GYPC: variants seen among roughly 807,000 people sequenced by gnomAD.
The protein encoded by GYPC is glycophorin-C.
GYPC carries 14 observed loss-of-function variants against 12.6 expected under a neutral mutation model. That is an observed-to-expected ratio of 1.11 (90% CI 0.74 to 1.74). GYPC has a LOEUF of 1.74. GYPC is among the 40% of genes most tolerant of loss of function. The pLI is 0.00. For synonymous variants in GYPC, 78 were observed against 62.1 expected, an observed-to-expected ratio of 1.26 and a Z score of -1.20; for missense variants, 225 against 172.1, an observed-to-expected ratio of 1.31 and a Z score of -1.72.
In GYPC at chr2:126,656,309, C is replaced by G. The variant is rs781592312; in HGVS notation, c.46C>G (p.Leu16Val). 1 of 1,585,486 alleles carries G rather than the reference C, an allele frequency of 6.3e-7. No homozygotes were observed. Among genetic ancestry groups the G allele is most frequent in the Non-Finnish European group, 8.6e-7 (1 of 1,167,318 alleles). ...SPNSTAWPLS[L>V]EPDPGMASAS... ...CAACAGCACGGCGTGGCCTCTCAGC[C>G]TCGGTGAGTACCCGCCGTGGGGAAG... Residue 16 changes from leucine (L) to valine (V), a missense_variant, in exon 1 of 4, where the codon CTC (leucine) becomes GTC (valine). Physicochemically the swap from Leu to Val is conservative, Grantham distance 32. Coordinates refer to ENST00000259254, the MANE Select transcript of GYPC (RefSeq NM_002101.5).
intron 1 of GYPC, among the ~76,000 whole-genome samples, chr2:126,660,104 G>C (rs1216949241): frequency 6.6e-6 from 1 of 152,242 alleles, no homozygotes; most frequent in Non-Finnish European, 1.5e-5. Flanking sequence ...AACCCAAGGA[G>C]AGAGTTGCAG....
intron 3 of GYPC, among the ~76,000 whole-genome samples, chr2:126,694,859 C>G (rs1287359945): frequency 1.3e-5 from 2 of 151,740 alleles, no homozygotes; most frequent in African/African-American, 4.9e-5. Flanking sequence ...ACACCCCCAC[C>G]CCATGAGACT....
chr2:126,686,237 G>A (rs1683285789), intron 1 of GYPC: 3 of 985,414 alleles, frequency 3.0e-6, no homozygotes, highest in Non-Finnish European at 3.6e-6. Flanking sequence ...GTCCACATCT[G>A]AAAAATACCA....
rs1407063944 is a variant in GYPC at position 126,695,213 on chromosome 2, C to A, written c.191-733C>A. Among the ~76,000 whole-genome samples the A allele has an allele frequency of 2.0e-5, 3 of 152,218 alleles. No homozygotes were observed. The South Asian group carries it at 6.2e-4, about 32-fold the overall frequency. Reference sequence around the variant, plus strand: ...TTCCCCCTGTATAGTGTACATAGAGCAACCAGCTCTGCCCTGTTTTCTGGG... The same window carrying A: ...TTCCCCCTGTATAGTGTACATAGAGAAACCAGCTCTGCCCTGTTTTCTGGG... On this transcript the variant is annotated intron_variant, in intron 3 of 3. Transcript: ENST00000259254.
rs182201403 is a variant in GYPC, at chr2:126,688,970, C to T, written c.50-1285C>T. On this transcript the variant is annotated intron_variant, in intron 1 of 3. Coordinates refer to ENST00000259254, the MANE Select transcript of GYPC (RefSeq NM_002101.5). Reference sequence around the variant, plus strand: ...ATGTTAATGCTGATATTTCTGTGATCCAATAAATCCTTCTTCACAATCATC... The same window carrying T: ...ATGTTAATGCTGATATTTCTGTGATTCAATAAATCCTTCTTCACAATCATC... 4.6e-5 allele frequency among the ~76,000 whole-genome samples: 7 copies of T among 152,294 alleles called. No individual in the cohort carries two copies. The South Asian group carries it at 1.0e-3, about 23-fold the overall frequency.
At chr2:126,674,890 G>A (rs1014565908) in intron 1 of GYPC, among the ~76,000 whole-genome samples, 1 of 152,198 alleles carries the variant, frequency 6.6e-6, no homozygotes, top group African/African-American at 2.4e-5. Context: ...CAACACATTT[G>A]GTGAGTTCAA....
chr2:126,686,442 T>C (rs751246240), intron 1 of GYPC: 118 of 985,342 alleles, frequency 1.2e-4, no homozygotes, highest in Non-Finnish European at 1.3e-4. Flanking sequence ...GGAATGACTG[T>C]AGCCAATGGC....
At position 126,670,388 on chromosome 2, in the gene GYPC, C is replaced by A. The variant is rs369186666; in HGVS notation, c.49+14076C>A. ...GGGGCACAAAGAGCCCAGCAGGCCACCCACCTCACCTCCCCATTGCTGTCT... is the reference window on the plus strand; with the variant it reads ...GGGGCACAAAGAGCCCAGCAGGCCAACCACCTCACCTCCCCATTGCTGTCT... On this transcript the variant is annotated intron_variant, in intron 1 of 3. Coordinates refer to ENST00000259254, the MANE Select transcript of GYPC (RefSeq NM_002101.5). Among the ~76,000 whole-genome samples, 205 of 152,348 alleles carry A rather than the reference C, an allele frequency of 1.3e-3. 3 individuals carry two copies. The South Asian group carries it at 0.032, about 24-fold the overall frequency.
At position 126,687,871 on chromosome 2, in the gene GYPC, C is replaced by T. The variant is rs560232920; in HGVS notation, c.50-2384C>T. ...CCTAACCAGAAGCCAAGAAATGCACCCCAAGTTGTTCAAGCCAAATATCTC... is the reference window on the plus strand; with the variant it reads ...CCTAACCAGAAGCCAAGAAATGCACTCCAAGTTGTTCAAGCCAAATATCTC... On this transcript the variant is annotated intron_variant, in intron 1 of 3. Transcript: ENST00000259254. Among the ~76,000 whole-genome samples, 4 of 151,878 alleles carry T rather than the reference C, an allele frequency of 2.6e-5. No homozygotes were observed. In the South Asian group the frequency reaches 8.4e-4, roughly 32 times the overall value.
intron 1 of GYPC, among the ~76,000 whole-genome samples, chr2:126,668,063 C>G (rs1372488308): frequency 6.6e-6 from 1 of 152,152 alleles, no homozygotes; most frequent in Non-Finnish European, 1.5e-5. Context: ...CAGTGCCAGG[C>G]TGCTTTGAGA....
chr2:126,663,635 G>A (rs1447572503), intron 1 of GYPC, among the ~76,000 whole-genome samples: 2 of 152,198 alleles, frequency 1.3e-5, no homozygotes, highest in African/African-American at 2.4e-5. Flanking sequence ...CGGATGGAGG[G>A]ATGTGAAGGT....
At chr2:126,689,134 G>T (rs1437815700) in intron 1 of GYPC, among the ~76,000 whole-genome samples, 1 of 152,118 alleles carries the variant, frequency 6.6e-6, no homozygotes, top group Non-Finnish European at 1.5e-5. Flanking sequence ...GTCATAGAGT[G>T]GTCCTTCCCA....
chr2:126,672,091 G>T (rs1305899087), intron 1 of GYPC, among the ~76,000 whole-genome samples: 97 of 152,234 alleles, frequency 6.4e-4, no homozygotes, highest in Non-Finnish European at 1.8e-4. Flanking sequence ...GGAGGGAAAA[G>T]GTAACTGAGA....
At position 126,696,271 on chromosome 2, in the gene GYPC, C is replaced by T; in HGVS notation, c.*129C>T. Reference sequence around the variant, plus strand: ...AGCACTTGATTCTTCCCGAGATAGCCACCTGGAAACACTAGGTGCCTGCCC... The same window carrying T: ...AGCACTTGATTCTTCCCGAGATAGCTACCTGGAAACACTAGGTGCCTGCCC... On this transcript the variant is annotated 3_prime_UTR_variant, in exon 4 of 4. Coordinates refer to ENST00000259254, the MANE Select transcript of GYPC (RefSeq NM_002101.5). The T allele has an allele frequency of 1.3e-6, 1 of 756,042 alleles. No homozygotes were observed. Among genetic ancestry groups the T allele is most frequent in the Middle Eastern group, 2.3e-4 (1 of 4,292 alleles). 46.8% of individuals were successfully genotyped at this position (756,042 alleles called of 1,614,324 possible).
intron 1 of GYPC, among the ~76,000 whole-genome samples, chr2:126,659,264 G>A (rs890983354): frequency 6.6e-5 from 10 of 152,136 alleles, no homozygotes; most frequent in African/African-American, 1.9e-4. Context: ...GGGAAGTGTC[G>A]GTTGATGCTT....
chr2:126,667,650 G>A (rs376027693), intron 1 of GYPC, among the ~76,000 whole-genome samples: 16 of 147,266 alleles, frequency 1.1e-4, no homozygotes, highest in Admixed American at 1.4e-4. Flanking sequence ...TGATCCGCCC[G>A]CCTTGGCCTC....
chr2:126,683,952 C>G (rs183040227), intron 1 of GYPC, among the ~76,000 whole-genome samples: 1 of 152,182 alleles, frequency 6.6e-6, no homozygotes. Flanking sequence ...CTTTGCAGGC[C>G]TCTACACTTC....
intron 1 of GYPC, among the ~76,000 whole-genome samples, chr2:126,687,770 C>T (rs749199534): frequency 5.3e-5 from 8 of 152,224 alleles, no homozygotes; most frequent in Non-Finnish European, 1.0e-4. Context: ...CTCTCAGGTC[C>T]TACCTCCCCT....
intron 2 of GYPC, among the ~76,000 whole-genome samples, chr2:126,691,524 G>A (rs1345737243): frequency 3.3e-5 from 5 of 152,140 alleles, no homozygotes; most frequent in Non-Finnish European, 7.4e-5. Context: ...GAGCAGGGTA[G>A]GCTGAGGAGC....
Sources: gnomAD v4.1 joint callset for allele counts (sites outside exome capture counted in the v4.1 genomes callset) on GRCh38, gnomAD v4.1.1 for gene constraint, MANE v1.5 for transcripts, NCBI Gene and HGNC (gene_info 2026-07-23, HGNC 2026-07-21) for gene names.